Variants in ARIH2 observed in about 807,000 individuals in gnomAD.
ARIH2 encodes the protein ariadne RBR E3 ubiquitin protein ligase 2.
Under a neutral mutation model 79.8 loss-of-function variants are expected in ARIH2, and 12 were observed. That is an observed-to-expected ratio of 0.15 (90% CI 0.10 to 0.24). The LOEUF (loss-of-function observed/expected upper bound fraction) is 0.24. Ranked by LOEUF, ARIH2 falls within the 10% of genes least tolerant of loss-of-function variation. The pLI, the probability that ARIH2 is intolerant of heterozygous loss-of-function variation, is 1.00. For missense variants in ARIH2, 301 were observed against 618.3 expected, an observed-to-expected ratio of 0.49 and a Z score of 5.44; for synonymous variants, 224 against 213.9, an observed-to-expected ratio of 1.05 and a Z score of -0.41.
At chr3:48,924,053 T>C (rs1364979849) in intron 2 of ARIH2, among the ~76,000 whole-genome samples, 4 of 152,166 alleles carry the variant, frequency 2.6e-5, no homozygotes, top group African/African-American at 9.7e-5. Context: ...TCTGTTGAGC[T>C]CAGGAGTTGG....
intron 3 of ARIH2, among the ~76,000 whole-genome samples, chr3:48,950,631 T>C (rs1188565815): frequency 6.6e-6 from 1 of 152,224 alleles, no homozygotes; most frequent in East Asian, 1.9e-4. Context: ...AATCTGTAGC[T>C]GTGCTGCCCG....
intron 9 of ARIH2, 97 bp downstream of exon 9, chr3:48,973,913 G>C (rs1050061902): frequency 6.6e-6 from 6 of 910,388 alleles, no homozygotes; most frequent in Admixed American, 2.1e-5. Context: ...AATACCCAGA[G>C]CCCCAGGACC....
chr3:48,940,383 TAAAAAG>T (rs1033622118), intron 3 of ARIH2, among the ~76,000 whole-genome samples: 6 of 151,380 alleles, frequency 4.0e-5, no homozygotes, highest in Admixed American at 6.6e-5. Context: ...ATTAGATAGA[TAAAAAG>T]AGAGAGAGAG....
intron 1 of ARIH2, among the ~76,000 whole-genome samples, chr3:48,920,311 G>A (rs1332188783): frequency 6.6e-6 from 1 of 151,208 alleles, no homozygotes; most frequent in Non-Finnish European, 1.5e-5. Context: ...AAAAGTGCCC[G>A]GCCCACTTTT....
chr3:48,948,119 C>T lies in ARIH2; in HGVS notation c.256-13493C>T, dbSNP rs550597964. Among the ~76,000 whole-genome samples the T allele has an allele frequency of 2.0e-5, 3 of 152,146 alleles. No homozygotes were observed. In the East Asian group the frequency reaches 5.8e-4, roughly 29 times the overall value. On this transcript the variant is annotated intron_variant, in intron 3 of 15. Coordinates refer to ENST00000356401, the MANE Select transcript of ARIH2 (RefSeq NM_006321.4). ...GGGACTACAGGCGCCCACCACCACG[C>T]CTGGCTAATTTTTTTATATTTTTAG...
intron 3 of ARIH2, among the ~76,000 whole-genome samples, chr3:48,940,387 AAGAG>A (rs200771074): frequency 1.7e-3 from 255 of 151,258 alleles, no homozygotes; most frequent in Middle Eastern, 0.01. Flanking sequence ...GATAGATAAA[AAGAG>A]AGAGAGAGAG....
chr3:48,977,941 AT>A (rs1403823491), intron 11 of ARIH2, among the ~76,000 whole-genome samples: 10 of 152,148 alleles, frequency 6.6e-5, no homozygotes, highest in African/African-American at 2.4e-4. Context: ...AAGCCAAGTT[AT>A]CCCTGGAGAG....
chr3:48,940,663 C>T (rs539462597), intron 3 of ARIH2, among the ~76,000 whole-genome samples: 21 of 151,462 alleles, frequency 1.4e-4, no homozygotes, highest in East Asian at 7.8e-4. Context: ...GGCATGGTGG[C>T]GCGTGCCTGT....
intron 3 of ARIH2, among the ~76,000 whole-genome samples, chr3:48,942,643 T>C (rs890266249): frequency 2.7e-5 from 4 of 146,034 alleles, no homozygotes; most frequent in African/African-American, 1.0e-4. Context: ...CATGCCCGGC[T>C]AATTTTTTTT....
intron 8 of ARIH2, among the ~76,000 whole-genome samples, chr3:48,973,010 C>T (rs2092321810): frequency 1.3e-5 from 2 of 152,226 alleles, no homozygotes; most frequent in African/African-American, 2.4e-5. Flanking sequence ...TCACTGCACT[C>T]GGCCTACAGA....
intron 3 of ARIH2, among the ~76,000 whole-genome samples, chr3:48,941,085 T>C (rs1237977756): frequency 6.7e-6 from 1 of 148,628 alleles, no homozygotes; most frequent in African/African-American, 2.5e-5. Context: ...AGCAGGAGAA[T>C]GGCGTGAACC....
intron 3 of ARIH2, among the ~76,000 whole-genome samples, chr3:48,951,049 A>G (rs1176320997): frequency 2.0e-5 from 3 of 150,938 alleles, no homozygotes; most frequent in East Asian, 1.9e-4. Flanking sequence ...TGCAACCTCA[A>G]CCTCCCAGGT....
At chr3:48,956,517 G>T (rs896873086) in intron 3 of ARIH2, among the ~76,000 whole-genome samples, 1 of 119,898 alleles carries the variant, frequency 8.3e-6, no homozygotes, top group Admixed American at 1.0e-4. Flanking sequence ...CTGTGGTGTT[G>T]AACTCCTGGG....
chr3:48,966,501 G>C (rs369873971), intron 5 of ARIH2, among the ~76,000 whole-genome samples: 3 of 148,728 alleles, frequency 2.0e-5, no homozygotes, highest in South Asian at 4.2e-4. Context: ...TCTTCCCCTA[G>C]TTGGTGTCTC....
intron 8 of ARIH2, among the ~76,000 whole-genome samples, chr3:48,971,950 C>T (rs900590770): frequency 1.3e-5 from 2 of 152,126 alleles, no homozygotes; most frequent in South Asian, 2.1e-4. Context: ...AAGCCTAGCC[C>T]GACGAATATT....
intron 3 of ARIH2, among the ~76,000 whole-genome samples, chr3:48,949,327 C>G (rs1265180548): frequency 6.6e-6 from 1 of 152,110 alleles, no homozygotes; most frequent in African/African-American, 2.4e-5. Flanking sequence ...ACCGTGTTAG[C>G]CAGGATGGTC....
chr3:48,953,592 G>A (rs745929988), intron 3 of ARIH2, among the ~76,000 whole-genome samples: 3 of 151,652 alleles, frequency 2.0e-5, no homozygotes, highest in Middle Eastern at 3.2e-3. Context: ...TAGTAGAGAC[G>A]GGGTTTCACC....
At chr3:48,929,661 T>G (rs1335531982) in intron 3 of ARIH2, among the ~76,000 whole-genome samples, 1 of 152,234 alleles carries the variant, frequency 6.6e-6, no homozygotes, top group Non-Finnish European at 1.5e-5. Flanking sequence ...GCATGATCTC[T>G]CCAACTAGAT....
At chr3:48,937,313 T>C (rs905324045) in intron 3 of ARIH2, among the ~76,000 whole-genome samples, 3 of 152,136 alleles carry the variant, frequency 2.0e-5, no homozygotes, top group African/African-American at 7.2e-5. Context: ...TCTAATGCCA[T>C]CAAGCTTGGT....
Sources: allele counts gnomAD v4.1 joint callset (sites outside exome capture counted in the v4.1 genomes callset), GRCh38; gene constraint gnomAD v4.1.1; transcripts MANE v1.5; gene names NCBI Gene and HGNC (gene_info 2026-07-23, HGNC 2026-07-21).